The following ETHE1 variants were observed in gnomAD, a reference collection of about 807,000 sequenced individuals.
ETHE1 encodes persulfide dioxygenase ETHE1, mitochondrial.
A neutral mutation model predicts 25.7 loss-of-function variants in ETHE1; 16 were observed. That is an observed-to-expected ratio of 0.62 (90% confidence interval 0.42 to 0.95). ETHE1 has a LOEUF of 0.95. Ranked by LOEUF, ETHE1 falls within the 40% of genes least tolerant of loss-of-function variation. The pLI is 0.00. For missense variants in ETHE1, 300 were observed against 333.6 expected, an observed-to-expected ratio of 0.90 and a Z score of 0.79; for synonymous variants, 139 against 135.9, an observed-to-expected ratio of 1.02 and a Z score of -0.16.
intron 4 of ETHE1, among the ~76,000 whole-genome samples, chr19:43,511,165 A>G (rs764694364): frequency 6.6e-6 from 1 of 152,058 alleles, no homozygotes; most frequent in Non-Finnish European, 1.5e-5. Context: ...TATCTATTGC[A>G]ATGTAATAAT....
chr19:43,507,551 C>T (rs1971809955), intron 6 of ETHE1: 1 of 334,310 alleles, frequency 3.0e-6, no homozygotes, highest in South Asian at 4.5e-5. Flanking sequence ...AGCCCAGGCC[C>T]CCAGCCCAGC....
At chr19:43,515,145 T>C (rs1168098040) in intron 3 of ETHE1, among the ~76,000 whole-genome samples, 1 of 152,002 alleles carries the variant, frequency 6.6e-6, no homozygotes, top group Non-Finnish European at 1.5e-5. Context: ...GGCTGGGCGC[T>C]GTGGCTCATA....
At position 43,506,788 on chromosome 19, in the gene ETHE1, T is replaced by C; in HGVS notation, c.*62A>G. On this transcript the variant is annotated 3_prime_UTR_variant, in exon 7 of 7. Coordinates refer to ENST00000292147, the MANE Select transcript of ETHE1 (RefSeq NM_014297.5). Reference sequence around the variant, plus strand: ...TGGGAAAGGAGAGGTGCAGTGTCATTGCCGCCCTCTCCTCCCACCTAGTGC... The same window carrying C: ...TGGGAAAGGAGAGGTGCAGTGTCATCGCCGCCCTCTCCTCCCACCTAGTGC... 6.7e-7 allele frequency: 1 copy of C among 1,486,084 alleles called. No individual in the cohort carries two copies. Among genetic ancestry groups the C allele is most frequent in the Non-Finnish European group, 9.4e-7 (1 of 1,065,484 alleles). 92.1% of individuals were successfully genotyped at this position (1,486,084 alleles called of 1,614,324 possible).
At chr19:43,513,198 C>A (rs1456219761) in intron 3 of ETHE1, among the ~76,000 whole-genome samples, 1 of 152,148 alleles carries the variant, frequency 6.6e-6, no homozygotes, top group African/African-American at 2.4e-5. Context: ...TCATAGGGAA[C>A]CTCTGCTAGG....
chr19:43,511,296 T>C (rs1277657882), intron 4 of ETHE1, 141 bp downstream of exon 4: 50 of 1,323,504 alleles, frequency 3.8e-5, no homozygotes, highest in Non-Finnish European at 4.8e-5. Context: ...ACCACTGTTC[T>C]AGCAGGTAAA....
chr19:43,511,412 T>C (rs540872314), intron 4 of ETHE1, 25 bp downstream of exon 4: 16 of 1,613,990 alleles, frequency 9.9e-6, no homozygotes, highest in Admixed American at 5.0e-5. Context: ...ATGAAGATCT[T>C]GGGCTGGATA....
At chr19:43,526,764 A>C (rs559171484) in intron 1 of ETHE1, 105 bp from the exon 2 acceptor site, 1 of 1,574,306 alleles carries the variant, frequency 6.4e-7, no homozygotes, top group East Asian at 2.3e-5. Context: ...CAGAAGCAGA[A>C]ACCCCAGCCC....
intron 4 of ETHE1, among the ~76,000 whole-genome samples, chr19:43,510,274 A>G (rs1191372600): frequency 1.3e-5 from 2 of 151,964 alleles, no homozygotes; most frequent in East Asian, 1.9e-4. Flanking sequence ...CTAGACTCCA[A>G]ATGGATCATT....
At chr19:43,518,231 C>T (rs1452650027) in intron 3 of ETHE1, among the ~76,000 whole-genome samples, 2 of 151,906 alleles carry the variant, frequency 1.3e-5, no homozygotes, top group East Asian at 1.9e-4. Flanking sequence ...TAAAAACAGC[C>T]GTAGGCTGGG....
chr19:43,508,765 A>G lies in ETHE1; in HGVS notation c.595+10T>C, dbSNP rs2145978928. 6.9e-6 allele frequency: 11 copies of G among 1,589,300 alleles called. No homozygotes were observed. The highest frequency in any genetic ancestry group is 8.6e-6 in the Non-Finnish European group (10 of 1,165,762). The stretch of plus-strand genomic sequence containing the variant: ...ATGTACGCCCCACACCTCTTCCAGG[A>G]AGCCCTCACCATGGTAATCGTGAGC... On this transcript the variant is annotated intron_variant, in intron 5 of 6. Coordinates refer to ENST00000292147, the MANE Select transcript of ETHE1 (RefSeq NM_014297.5).
intron 3 of ETHE1, among the ~76,000 whole-genome samples, chr19:43,517,314 G>C (rs1002453751): frequency 1.4e-3 from 10 of 7,326 alleles, no homozygotes; most frequent in African/African-American, 6.5e-3. Flanking sequence ...TTAAGGTAAA[G>C]TAGGCTAACC....
At chr19:43,526,713 GGCCAA>G (rs1398534785) in intron 1 of ETHE1, 54 bp from the exon 2 acceptor site, 1 of 1,611,372 alleles carries the variant, frequency 6.2e-7, no homozygotes, top group Non-Finnish European at 8.5e-7. Context: ...ACCCACTGGA[GGCCAA>G]GTAGTCCAGA....
chr19:43,523,131 G>A (rs1176091826), intron 3 of ETHE1, among the ~76,000 whole-genome samples: 1 of 152,174 alleles, frequency 6.6e-6, no homozygotes, highest in East Asian at 1.9e-4. Flanking sequence ...CCTTAGGAGG[G>A]CGGTCATTGG....
At chr19:43,512,186 C>T (rs1003747837) in intron 3 of ETHE1, among the ~76,000 whole-genome samples, 2 of 152,130 alleles carry the variant, frequency 1.3e-5, no homozygotes, top group Admixed American at 6.6e-5. Context: ...AAGACTAATA[C>T]AGTAAATTGG....
chr19:43,507,388 C>A (rs537740037), intron 6 of ETHE1, among the ~76,000 whole-genome samples: 14 of 79,436 alleles, frequency 1.8e-4, no homozygotes, highest in African/African-American at 7.5e-4. Context: ...AGTCCAGGCC[C>A]CCAGCTCCTC....
At position 43,526,287 on chromosome 19, in the gene ETHE1, C is replaced by T. The variant is rs767381092; in HGVS notation, c.289G>A (p.Gly97Ser). Residue 97 changes from glycine (G) to serine (S), a missense_variant, in exon 3 of 7, where the codon GGC (glycine) becomes AGC (serine). By Grantham distance (56) the Gly-to-Ser change is moderately conservative. Coordinates refer to ENST00000292147, the MANE Select transcript of ETHE1 (RefSeq NM_014297.5). ...GSGLLRSLLPGCQSVISRLSG... is the reference protein window; with the variant it reads ...GSGLLRSLLPSCQSVISRLSG... ...AGGCGGGAGATGACAGACTGGCAGC[C>T]AGGGAGGAGGGAACGGAGCAGCCCC... is the stretch of plus-strand genomic sequence containing the variant. The T allele has an allele frequency of 6.2e-7, 1 of 1,614,142 alleles. No individual in the cohort carries two copies. The highest frequency in any genetic ancestry group is 1.3e-5 in the African/African-American group (1 of 75,032).
intron 1 of ETHE1, 55 bp from the exon 2 acceptor site, chr19:43,526,714 G>A: frequency 6.2e-7 from 1 of 1,611,368 alleles, no homozygotes; most frequent in South Asian, 1.1e-5. Context: ...CCCACTGGAG[G>A]CCAAGTAGTC....
intron 3 of ETHE1, among the ~76,000 whole-genome samples, chr19:43,514,606 C>A (rs1489855248): frequency 6.6e-6 from 1 of 151,736 alleles, no homozygotes; most frequent in Admixed American, 6.6e-5. Context: ...CTGCCTCAGC[C>A]TCCTGAGTAG....
chr19:43,524,389 T>TAAAA, intron 3 of ETHE1, among the ~76,000 whole-genome samples: 2 of 83,134 alleles, frequency 2.4e-5, no homozygotes, highest in Non-Finnish European at 4.8e-5. Context: ...TGTCTCAAAT[T>TAAAA]AAAAAAAAAA....
Sources: allele counts gnomAD v4.1 joint callset (sites outside exome capture counted in the v4.1 genomes callset), GRCh38; gene constraint gnomAD v4.1.1; transcripts MANE v1.5; gene names NCBI Gene and HGNC (gene_info 2026-07-23, HGNC 2026-07-21).